Variants in SLC67A1 observed in about 807,000 individuals in gnomAD.
The protein encoded by SLC67A1 is solute carrier family 67 member 1, also known as solute carrier family 67 member A1.
chr11:2,905,748 C>T, the SLC67A1 span, among the ~76,000 whole-genome samples: 3 of 152,200 alleles, frequency 2.0e-5, no homozygotes, highest in East Asian at 5.8e-4. Flanking sequence ...CTGCTCAGAG[C>T]TCCGCCCTCA....
chr11:2,904,531 A>G, the SLC67A1 span, among the ~76,000 whole-genome samples: 130,431 of 152,284 alleles, frequency 0.86, 56,001 homozygotes, highest in East Asian at 1. Context: ...TCCCTGTAGG[A>G]TTGGTGCGGG....
the SLC67A1 span, among the ~76,000 whole-genome samples, chr11:2,911,334 G>T: frequency 6.6e-6 from 1 of 152,032 alleles, no homozygotes; most frequent in East Asian, 1.9e-4. Context: ...TGGGAGCCAA[G>T]CACACTGCTG....
chr11:2,914,399 C>T, the SLC67A1 span, among the ~76,000 whole-genome samples: 4 of 152,116 alleles, frequency 2.6e-5, no homozygotes, highest in South Asian at 2.1e-4. Flanking sequence ...GGCTGTCCGG[C>T]GTGCAGAGGC....
chr11:2,909,586 A>G, the SLC67A1 span: 403 of 1,528,802 alleles, frequency 2.6e-4, 1 homozygote, highest in Non-Finnish European at 3.3e-4. Context: ...AGCCGCCCAG[A>G]TGGTCATCAC....
At chr11:2,913,274 C>T in the SLC67A1 span, among the ~76,000 whole-genome samples, 1 of 152,152 alleles carries the variant, frequency 6.6e-6, no homozygotes, top group African/African-American at 2.4e-5. Flanking sequence ...TTCTGTTCTT[C>T]CCACAGTGGG....
At chr11:2,916,661 C>G in the SLC67A1 span, 1 of 1,612,910 alleles carries the variant, frequency 6.2e-7, no homozygotes, top group East Asian at 2.2e-5. Context: ...TGGCCACCCT[C>G]CTGGGAGCTG....
At chr11:2,919,578 A>G in the SLC67A1 span, 38 of 599,160 alleles carry the variant, frequency 6.3e-5, no homozygotes, top group Non-Finnish European at 9.0e-5. Context: ...GGGAGAGCCA[A>G]CTGCAGTGGT....
the SLC67A1 span, chr11:2,919,804 T>C: frequency 1.6e-5 from 3 of 187,282 alleles, no homozygotes; most frequent in Non-Finnish European, 3.3e-5. Context: ...CCTTTGGAGG[T>C]CCCATAGGAG....
At chr11:2,910,563 G>T in the SLC67A1 span, among the ~76,000 whole-genome samples, 1 of 152,146 alleles carries the variant, frequency 6.6e-6, no homozygotes, top group Non-Finnish European at 1.5e-5. Context: ...CAGGCACCAG[G>T]CCGGGGTGCC....
At chr11:2,918,543 G>C in the SLC67A1 span, among the ~76,000 whole-genome samples, 3 of 152,218 alleles carry the variant, frequency 2.0e-5, no homozygotes, top group Non-Finnish European at 4.4e-5. Flanking sequence ...CTGTCCCTCA[G>C]AAGCCCCGCC....
the SLC67A1 span, chr11:2,918,242 T>C: frequency 1.5e-6 from 1 of 653,560 alleles, no homozygotes; most frequent in Admixed American, 2.9e-5. Flanking sequence ...CAGAAAAGTG[T>C]CTTTCCCACC....
chr11:2,914,290 C>T, the SLC67A1 span, among the ~76,000 whole-genome samples: 98 of 152,278 alleles, frequency 6.4e-4, no homozygotes, highest in African/African-American at 2.3e-3. Context: ...CGTGCCCCTG[C>T]GTCTGGCAGG....
the SLC67A1 span, chr11:2,916,331 C>T: frequency 2.5e-6 from 1 of 393,036 alleles, no homozygotes; most frequent in Non-Finnish European, 4.5e-6. Flanking sequence ...CGCCACCTGC[C>T]CCAGGCGCTC....
At chr11:2,909,298 C>A in the SLC67A1 span, 2 of 1,534,254 alleles carry the variant, frequency 1.3e-6, no homozygotes, top group Non-Finnish European at 1.7e-6. Flanking sequence ...CGGCCCTGCC[C>A]GGGGTCTACC....
At chr11:2,913,038 C>A in the SLC67A1 span, among the ~76,000 whole-genome samples, 1 of 152,078 alleles carries the variant, frequency 6.6e-6, no homozygotes, top group African/African-American at 2.4e-5. Context: ...CGACCCAGGG[C>A]ACCCCAAGCG....
the SLC67A1 span, chr11:2,909,723 G>A: frequency 3.4e-6 from 5 of 1,486,416 alleles, no homozygotes; most frequent in Middle Eastern, 1.8e-4. Flanking sequence ...GAGTGGTGGG[G>A]GCCGGGGCGG....
chr11:2,903,556 T>C, the SLC67A1 span: 1 of 1,569,524 alleles, frequency 6.4e-7, no homozygotes, highest in Non-Finnish European at 8.7e-7. Flanking sequence ...CTGCCCTCCA[T>C]CTGGGCCGTC....
the SLC67A1 span, among the ~76,000 whole-genome samples, chr11:2,915,499 C>T: frequency 6.6e-5 from 10 of 152,166 alleles, no homozygotes; most frequent in Non-Finnish European, 1.2e-4. Context: ...ACTTGTGCTG[C>T]GTGTGTGAAT....
the SLC67A1 span, chr11:2,919,133 C>G: frequency 1.7e-6 from 1 of 583,880 alleles, no homozygotes; most frequent in African/African-American, 1.9e-5. Context: ...AGGGATACGG[C>G]AGAATCCCAG....
Sources: allele counts gnomAD v4.1 joint callset (sites outside exome capture counted in the v4.1 genomes callset), GRCh38; gene constraint gnomAD v4.1.1; transcripts MANE v1.5; gene names NCBI Gene and HGNC (gene_info 2026-07-23, HGNC 2026-07-21).